IMMP2L: variants seen among roughly 807,000 people sequenced by gnomAD.
IMMP2L encodes mitochondrial inner membrane protease subunit 2.
IMMP2L carries 18 observed loss-of-function variants against 19.3 expected under a neutral mutation model. The observed-to-expected ratio is 0.93, with a 90% CI of 0.64 to 1.38. IMMP2L has a LOEUF of 1.38. IMMP2L is among the 40% of genes most tolerant of loss of function. IMMP2L has a pLI of 0.00. For synonymous variants in IMMP2L, 76 were observed against 73.0 expected, an observed-to-expected ratio of 1.04 and a Z score of -0.21; for missense variants, 233 against 218.2, an observed-to-expected ratio of 1.07 and a Z score of -0.43.
At chr7:111,306,529 C>G (rs906885464) in intron 3 of IMMP2L, among the ~76,000 whole-genome samples, 45 of 151,330 alleles carry the variant, frequency 3.0e-4, no homozygotes, top group African/African-American at 1.1e-3. Context: ...TATTTGGTAT[C>G]TATGTCAACA....
intron 1 of IMMP2L, among the ~76,000 whole-genome samples, chr7:111,543,957 T>G (rs1167537359): frequency 6.6e-6 from 1 of 152,172 alleles, no homozygotes; most frequent in African/African-American, 2.4e-5. Context: ...AGTGTCCATC[T>G]TATAGCTTTA....
At chr7:111,114,465 C>T (rs1799608154) in intron 3 of IMMP2L, among the ~76,000 whole-genome samples, 1 of 152,060 alleles carries the variant, frequency 6.6e-6, no homozygotes, top group Admixed American at 6.6e-5. Context: ...TGGCTGGGCA[C>T]AGTGACCCAC....
intron 1 of IMMP2L, among the ~76,000 whole-genome samples, chr7:111,538,705 G>C (rs1848124431): frequency 6.6e-6 from 1 of 150,696 alleles, no homozygotes; most frequent in South Asian, 2.1e-4. Flanking sequence ...AGCTACTCAG[G>C]AGGCTGAGGT....
At chr7:110,871,028 C>T (rs1433782264) in intron 5 of IMMP2L, among the ~76,000 whole-genome samples, 1 of 151,950 alleles carries the variant, frequency 6.6e-6, no homozygotes, top group Non-Finnish European at 1.5e-5. Flanking sequence ...GAATAAAGCA[C>T]GTGACTCTAG....
Position 111,363,501 on chromosome 7 carries a change from T to A in IMMP2L, c.239+123737A>T, listed in dbSNP as rs572392013. Among the ~76,000 whole-genome samples, 8 of 152,264 alleles carry A rather than the reference T, an allele frequency of 5.3e-5. No homozygotes were observed. The South Asian group carries it at 1.5e-3, about 28-fold the overall frequency. ...AGTAACCCTCATGTTTCCATTTTTG[T>A]CAATCTTACTAGCACCAGCCAGTGT... On this transcript the variant is annotated intron_variant, in intron 3 of 5. Transcript: ENST00000405709.
chr7:110,829,903 G>A (rs982312672), intron 5 of IMMP2L, among the ~76,000 whole-genome samples: 9 of 152,122 alleles, frequency 5.9e-5, no homozygotes, highest in African/African-American at 2.2e-4. Flanking sequence ...AAATTACAAA[G>A]AGATTTGAGA....
At chr7:111,302,307 G>T (rs929692309) in intron 3 of IMMP2L, among the ~76,000 whole-genome samples, 2 of 152,042 alleles carry the variant, frequency 1.3e-5, no homozygotes, top group African/African-American at 2.4e-5. Flanking sequence ...TTTACCTGTT[G>T]TATTGTCTCC....
intron 5 of IMMP2L, among the ~76,000 whole-genome samples, chr7:110,675,071 T>C (rs1215273181): frequency 6.6e-6 from 1 of 152,138 alleles, no homozygotes; most frequent in African/African-American, 2.4e-5. Flanking sequence ...TATATTTGAG[T>C]TAAATATATT....
intron 3 of IMMP2L, among the ~76,000 whole-genome samples, chr7:111,420,332 C>T (rs546327755): frequency 2.4e-4 from 37 of 151,676 alleles, no homozygotes; most frequent in Non-Finnish European, 4.9e-4. Context: ...AAAAGAAATT[C>T]CGAACTTCTC....
chr7:111,084,446 ATAGG>A (rs1211015621), intron 3 of IMMP2L, among the ~76,000 whole-genome samples: 1 of 152,114 alleles, frequency 6.6e-6, no homozygotes, highest in Non-Finnish European at 1.5e-5. Context: ...GGAAGGATTG[ATAGG>A]TAGAAAGATA....
intron 3 of IMMP2L, among the ~76,000 whole-genome samples, chr7:111,324,814 A>T (rs1175946236): frequency 3.3e-5 from 5 of 151,960 alleles, no homozygotes; most frequent in Non-Finnish European, 5.9e-5. Context: ...ACTAAAATTC[A>T]AAGTGCAAAC....
intron 4 of IMMP2L, among the ~76,000 whole-genome samples, chr7:110,892,500 G>A (rs1295947135): frequency 6.6e-6 from 1 of 152,002 alleles, no homozygotes; most frequent in Non-Finnish European, 1.5e-5. Flanking sequence ...GTATGCCTTC[G>A]CTCCTATTAA....
Position 111,474,682 on chromosome 7 carries a change from T to C in IMMP2L, c.239+12556A>G, listed in dbSNP as rs140206390. Among the ~76,000 whole-genome samples the C allele has an allele frequency of 8.3e-4, 127 of 152,232 alleles. 1 individual carries two copies. In the Middle Eastern group the frequency reaches 0.01, roughly 12 times the overall value. On this transcript the variant is annotated intron_variant, in intron 3 of 5. Coordinates refer to ENST00000405709, the MANE Select transcript of IMMP2L (RefSeq NM_032549.4). ...TTCTTTATTAACTGATTTCCCCCCTTGATTTATTACAAACCTTTTTTGCCA... is the reference window on the plus strand; with the variant it reads ...TTCTTTATTAACTGATTTCCCCCCTCGATTTATTACAAACCTTTTTTGCCA...
intron 5 of IMMP2L, among the ~76,000 whole-genome samples, chr7:110,807,128 A>G (rs1433289663): frequency 6.6e-6 from 1 of 152,012 alleles, no homozygotes; most frequent in Non-Finnish European, 1.5e-5. Context: ...ACTAGAAGAT[A>G]GGTTAAAACC....
At chr7:110,680,584 G>A (rs1397049799) in intron 5 of IMMP2L, among the ~76,000 whole-genome samples, 2 of 152,142 alleles carry the variant, frequency 1.3e-5, no homozygotes, top group African/African-American at 4.8e-5. Flanking sequence ...TGCACATGGT[G>A]AAGGAAGATT....
chr7:110,738,494 C>A (rs997887309), intron 5 of IMMP2L, among the ~76,000 whole-genome samples: 1 of 152,048 alleles, frequency 6.6e-6, no homozygotes, highest in African/African-American at 2.4e-5. Context: ...ACAAGACTTT[C>A]GAATTTACCC....
At chr7:111,252,249 C>G (rs1032790349) in intron 3 of IMMP2L, among the ~76,000 whole-genome samples, 2 of 152,020 alleles carry the variant, frequency 1.3e-5, no homozygotes. Flanking sequence ...ATGTAGGCAT[C>G]ATCAACCAAC....
At chr7:111,376,739 T>C (rs1029581196) in intron 3 of IMMP2L, among the ~76,000 whole-genome samples, 1 of 152,088 alleles carries the variant, frequency 6.6e-6, no homozygotes, top group Non-Finnish European at 1.5e-5. Context: ...AAAGTAGTGA[T>C]ACATACAACA....
intron 3 of IMMP2L, among the ~76,000 whole-genome samples, chr7:111,015,604 A>G (rs371666525): frequency 6.6e-6 from 1 of 152,208 alleles, no homozygotes; most frequent in South Asian, 2.1e-4. Flanking sequence ...GAGTCTATCT[A>G]CATGAAATGT....
Sources: gnomAD v4.1 joint callset for allele counts (sites outside exome capture counted in the v4.1 genomes callset) on GRCh38, gnomAD v4.1.1 for gene constraint, MANE v1.5 for transcripts, NCBI Gene and HGNC (gene_info 2026-07-23, HGNC 2026-07-21) for gene names.